C4BPA: variants seen among roughly 807,000 people sequenced by gnomAD.
C4BPA encodes the protein C4b-binding protein alpha chain.
In C4BPA, 31 loss-of-function variants were observed where a neutral mutation model predicts 63.7. The observed-to-expected ratio is 0.49, with a 90% CI of 0.37 to 0.66. C4BPA has a LOEUF of 0.66. Among genes scored for constraint, C4BPA ranks in the 30% least tolerant of loss-of-function variants. The probability of loss-of-function intolerance (pLI) is 0.00; values close to 1 mark genes in which losing one functional copy is unlikely to be tolerated. For synonymous variants in C4BPA, 259 were observed against 254.7 expected, an observed-to-expected ratio of 1.02 and a Z score of -0.16; for missense variants, 572 against 723.3, an observed-to-expected ratio of 0.79 and a Z score of 2.40.
Position 207,141,144 on chromosome 1 carries a change from A to C in C4BPA, c.1312A>C (p.Lys438Gln). 2 of 1,612,840 alleles carry C rather than the reference A, an allele frequency of 1.2e-6. No homozygotes were observed. Among genetic ancestry groups the C allele is most frequent in the Non-Finnish European group, 1.7e-6 (2 of 1,179,366 alleles). ...FPPKIAHGHY[K>Q]QSSSYSFFKE... ...TCCTAAAATTGCCCATGGGCATTAT[A>C]AACAATCTAGTTCATACAGCTTTTT... Residue 438 changes from lysine (K) to glutamine (Q), a missense_variant, in exon 10 of 12, where the codon AAA (lysine) becomes CAA (glutamine). By Grantham distance (53) the Lys-to-Gln change is moderately conservative. Around this residue, in one of 2 missense-constraint regions of C4BPA, gnomAD observed 465 missense variants for 629.4 expected, o/e 0.74. Transcript: ENST00000367070.
At position 207,127,140 on chromosome 1, in the gene C4BPA, G is replaced by C. The variant is rs537898429; in HGVS notation, c.889+245G>C. On this transcript the variant is annotated intron_variant, in intron 7 of 11. Transcript: ENST00000367070. ...GACTGTGCACATTCCAACCTTAAAG[G>C]GAGGTGTTAACATTGTAGATACTAT... The C allele has an allele frequency of 3.2e-5, 10 of 317,250 alleles. No individual in the cohort carries two copies. The Admixed American group carries it at 3.4e-4, about 11-fold the overall frequency. 19.7% of individuals were successfully genotyped at this position (317,250 alleles called of 1,614,324 possible). A position where few individuals can be genotyped will look rare whatever the true frequency, so the allele number is the denominator to read the frequency against.
chr1:207,110,057 T>C (rs1404907839), intron 1 of C4BPA, among the ~76,000 whole-genome samples: 1 of 152,228 alleles, frequency 6.6e-6, no homozygotes, highest in Non-Finnish European at 1.5e-5. Context: ...GGCTAGGTAC[T>C]ATTGTGGGGC....
At chr1:207,141,491 T>A (rs1685414701) in intron 10 of C4BPA, among the ~76,000 whole-genome samples, 1 of 152,220 alleles carries the variant, frequency 6.6e-6, no homozygotes, top group African/African-American at 2.4e-5. Flanking sequence ...ATCACAAAAT[T>A]CAGCCTTCTT....
chr1:207,128,962 T>G (rs578116099), intron 7 of C4BPA, among the ~76,000 whole-genome samples: 1 of 152,264 alleles, frequency 6.6e-6, no homozygotes, highest in East Asian at 1.9e-4. Context: ...GCCCAGAGAA[T>G]GGACTTAGCA....
At chr1:207,137,771 C>G (rs1685319428) in intron 9 of C4BPA, among the ~76,000 whole-genome samples, 1 of 151,996 alleles carries the variant, frequency 6.6e-6, no homozygotes. Flanking sequence ...GCACATGCCA[C>G]TGGGCCCAGC....
chr1:207,125,129 A>G (rs1685009296), intron 6 of C4BPA, among the ~76,000 whole-genome samples: 1 of 152,216 alleles, frequency 6.6e-6, no homozygotes. Context: ...ACCACAGGAC[A>G]CAATCAGACG....
At chr1:207,143,156 TAA>T (rs1685457481) in intron 10 of C4BPA, among the ~76,000 whole-genome samples, 1 of 152,008 alleles carries the variant, frequency 6.6e-6, no homozygotes, top group South Asian at 2.1e-4. Context: ...TGTGCAGCCA[TAA>T]AAAAGAATGA....
At chr1:207,108,854 C>T (rs1341196109) in intron 1 of C4BPA, among the ~76,000 whole-genome samples, 1 of 152,084 alleles carries the variant, frequency 6.6e-6, no homozygotes, top group Non-Finnish European at 1.5e-5. Flanking sequence ...TCCTGAGTAG[C>T]TGGGATTACA....
chr1:207,124,529 G>A (rs576703693), intron 6 of C4BPA, among the ~76,000 whole-genome samples, 163 bp downstream of exon 6: 47 of 152,120 alleles, frequency 3.1e-4, no homozygotes, highest in Admixed American at 4.6e-4. Context: ...TTGCATGTTT[G>A]TTTAGAATAT....
intron 4 of C4BPA, among the ~76,000 whole-genome samples, chr1:207,117,907 CT>C (rs1469638872): frequency 6.6e-6 from 1 of 152,156 alleles, no homozygotes; most frequent in East Asian, 1.9e-4. Flanking sequence ...CCAAACTGGT[CT>C]ATTTTGGCAT....
intron 4 of C4BPA, among the ~76,000 whole-genome samples, chr1:207,120,582 TAGCGAAACCCATCTC>T (rs1558090316): frequency 6.6e-6 from 1 of 152,016 alleles, no homozygotes; most frequent in Non-Finnish European, 1.5e-5. Context: ...CTGAGCAACA[TAGCGAAACCCATCTC>T]TAAAGAATAA....
Position 207,134,566 on chromosome 1 carries a change from G to C in C4BPA, c.1247G>C (p.Ser416Thr). ...ATATGCCAAGGAGATGGCACGTGGA[G>C]TCCCCGAACACCATCATGTGGAGAC... Reference protein sequence around the residue: ...SAICQGDGTWSPRTPSCGDIC... With the variant: ...SAICQGDGTWTPRTPSCGDIC... The change falls in exon 9 of 12, where the codon AGT becomes ACT. Residue 416 changes from serine to threonine, a missense_variant. Physicochemically the swap from Ser to Thr is moderately conservative, Grantham distance 58. This residue lies in a region of C4BPA where 465 missense variants were observed against 629.4 expected (regional missense o/e 0.74). Coordinates refer to ENST00000367070, the MANE Select transcript of C4BPA (RefSeq NM_000715.4). The C allele has an allele frequency of 6.2e-7, 1 of 1,613,406 alleles. No homozygotes were observed. The highest frequency in any genetic ancestry group is 8.5e-7 in the Non-Finnish European group (1 of 1,179,422).
chr1:207,137,918 A>G (rs1336176712), intron 9 of C4BPA, among the ~76,000 whole-genome samples: 1 of 152,092 alleles, frequency 6.6e-6, no homozygotes, highest in African/African-American at 2.4e-5. Flanking sequence ...GCACTGAGCC[A>G]TAAATGTTTC....
At chr1:207,121,499 T>C (rs2102338358) in intron 4 of C4BPA, among the ~76,000 whole-genome samples, 1 of 152,186 alleles carries the variant, frequency 6.6e-6, no homozygotes, top group South Asian at 2.1e-4. Flanking sequence ...TTTTAATCTG[T>C]CTGAAACACT....
At chr1:207,131,774 A>G (rs1014649952) in intron 8 of C4BPA, 34 bp downstream of exon 8, 1 of 1,412,230 alleles carries the variant, frequency 7.1e-7, no homozygotes, top group Admixed American at 1.8e-5. Context: ...TTTGTATATT[A>G]AATGTCCAGT....
intron 9 of C4BPA, among the ~76,000 whole-genome samples, chr1:207,139,499 T>G (rs765507346): frequency 2.0e-5 from 3 of 152,136 alleles, no homozygotes; most frequent in Non-Finnish European, 4.4e-5. Context: ...ACAGTAGCAA[T>G]TGCTTTCACT....
At chr1:207,138,159 A>T (rs1221362499) in intron 9 of C4BPA, among the ~76,000 whole-genome samples, 2 of 152,220 alleles carry the variant, frequency 1.3e-5, no homozygotes, top group African/African-American at 4.8e-5. Context: ...CCATCCGGAC[A>T]GTTTGGTTAT....
chr1:207,112,919 A>G, intron 1 of C4BPA, 82 bp from the exon 2 acceptor site: 3 of 1,274,384 alleles, frequency 2.4e-6, no homozygotes, highest in South Asian at 3.3e-5. Context: ...CCTTGAAGAC[A>G]TGGATCCCAT....
intron 9 of C4BPA, among the ~76,000 whole-genome samples, chr1:207,135,391 C>T (rs1685260111): frequency 6.6e-6 from 1 of 152,004 alleles, no homozygotes; most frequent in African/African-American, 2.4e-5. Flanking sequence ...CCTCCCTGTG[C>T]TTGATATCTC....
Sources: allele counts gnomAD v4.1 joint callset (sites outside exome capture counted in the v4.1 genomes callset), GRCh38; gene constraint gnomAD v4.1.1; regional missense constraint gnomAD v4.1.1; transcripts MANE v1.5; gene names NCBI Gene and HGNC (gene_info 2026-07-23, HGNC 2026-07-21).